FGD6: variants seen among roughly 807,000 people sequenced by gnomAD.
The protein encoded by FGD6 is FYVE, RhoGEF and PH domain containing 6, also known as FYVE, RhoGEF and PH domain-containing protein 6.
Under a neutral mutation model 149.4 loss-of-function variants are expected in FGD6, and 90 were observed. The observed-to-expected ratio is 0.60, with a 90% CI of 0.51 to 0.72. The LOEUF (loss-of-function observed/expected upper bound fraction) is 0.72, where lower values mean the gene tolerates loss of function less well. FGD6 is among the 30% of genes least tolerant of loss of function. The probability of loss-of-function intolerance (pLI) is 0.00; values close to 1 mark genes in which losing one functional copy is unlikely to be tolerated. For missense variants in FGD6, 1,437 were observed against 1,684.8 expected, an observed-to-expected ratio of 0.85 and a Z score of 2.57; for synonymous variants, 527 against 584.0, an observed-to-expected ratio of 0.90 and a Z score of 1.41.
In FGD6 at chr12:95,115,813, C is replaced by T. The variant is rs543188251; in HGVS notation, c.3083-2112G>A. Among the ~76,000 whole-genome samples, 22 of 152,256 alleles carry T rather than the reference C, an allele frequency of 1.4e-4. No homozygotes were observed. In the East Asian group the frequency reaches 1.5e-3, roughly 11 times the overall value. On this transcript the variant is annotated intron_variant, in intron 8 of 20. Coordinates refer to ENST00000343958, the MANE Select transcript of FGD6 (RefSeq NM_018351.4). ...TCAAACATAACAGATGACACAAACA[C>T]GCGCCCAATTGCTGAAACTTCGTAA...
chr12:95,107,808 G>A (rs769411735), intron 11 of FGD6, among the ~76,000 whole-genome samples, 177 bp from the exon 12 acceptor site: 5 of 152,040 alleles, frequency 3.3e-5, no homozygotes, highest in African/African-American at 7.2e-5. Flanking sequence ...TTTAGGAATC[G>A]GACAAGCAAG....
intron 3 of FGD6, among the ~76,000 whole-genome samples, chr12:95,156,691 A>C (rs1002528472): frequency 1.3e-5 from 2 of 152,162 alleles, no homozygotes; most frequent in Non-Finnish European, 2.9e-5. Context: ...AGAAATCACT[A>C]ATAAAAACTT....
At chr12:95,134,974 G>A (rs947788164) in intron 7 of FGD6, 148 bp from the exon 8 acceptor site, 16 of 622,778 alleles carry the variant, frequency 2.6e-5, no homozygotes, top group Admixed American at 6.1e-5. Context: ...AGGTACAGCT[G>A]TTAGATACAC....
At chr12:95,149,292 T>A (rs1329503954) in intron 5 of FGD6, among the ~76,000 whole-genome samples, 1 of 89,314 alleles carries the variant, frequency 1.1e-5, no homozygotes, top group Non-Finnish European at 2.0e-5. Context: ...TATATAATAT[T>A]ATATATAATA....
intron 8 of FGD6, 31 bp downstream of exon 8, chr12:95,134,708 G>T: frequency 6.3e-7 from 1 of 1,599,644 alleles, no homozygotes; most frequent in Non-Finnish European, 8.6e-7. Flanking sequence ...TAAACCAACT[G>T]GGTGGTTGGC....
chr12:95,146,170 T>A (rs1013943764), intron 5 of FGD6, among the ~76,000 whole-genome samples: 3 of 152,182 alleles, frequency 2.0e-5, no homozygotes, highest in Non-Finnish European at 4.4e-5. Flanking sequence ...CAATGCCAGA[T>A]GTAACTAATT....
rs1881265461 is a variant in FGD6, at chr12:95,180,957, T to C, written c.2442-8213A>G. ...TCCCTTTCTCCCCCAACCCCCAGAC[T>C]TGGAGGTCTGTGTAAACATTTTCAG... On this transcript the variant is annotated intron_variant, in intron 2 of 20. Coordinates refer to ENST00000343958, the MANE Select transcript of FGD6 (RefSeq NM_018351.4). Among the ~76,000 whole-genome samples, 9 of 151,078 alleles carry C rather than the reference T, an allele frequency of 6.0e-5. No homozygotes were observed. The Admixed American group carries it at 6.0e-4, about 10-fold the overall frequency.
chr12:95,194,339 G>A (rs928875692), intron 2 of FGD6, among the ~76,000 whole-genome samples: 4 of 152,204 alleles, frequency 2.6e-5, no homozygotes, highest in South Asian at 4.1e-4. Context: ...AGGTTCAAGC[G>A]ATTCTCCTGC....
intron 3 of FGD6, among the ~76,000 whole-genome samples, chr12:95,168,383 G>A (rs1311479617): frequency 6.6e-6 from 1 of 152,214 alleles, no homozygotes; most frequent in African/African-American, 2.4e-5. Context: ...GTTAATAGCA[G>A]CCAGGCGCGG....
intron 2 of FGD6, among the ~76,000 whole-genome samples, chr12:95,178,331 G>A (rs1391589395): frequency 6.6e-6 from 1 of 152,192 alleles, no homozygotes; most frequent in Non-Finnish European, 1.5e-5. Context: ...AGAGCCAGGT[G>A]ACAGGACTGA....
At chr12:95,165,019 C>G (rs1880765236) in intron 3 of FGD6, among the ~76,000 whole-genome samples, 1 of 152,078 alleles carries the variant, frequency 6.6e-6, no homozygotes, top group African/African-American at 2.4e-5. Flanking sequence ...ATTCTAACCA[C>G]AAACAAGTAG....
intron 5 of FGD6, 151 bp from the exon 6 acceptor site, chr12:95,141,690 T>TACCC (rs1427434500): frequency 1.3e-6 from 1 of 772,852 alleles, no homozygotes; most frequent in Non-Finnish European, 2.0e-6. Context: ...CCCTTCCTCC[T>TACCC]ACCCCACTCA....
At position 95,171,162 on chromosome 12, in the gene FGD6, A is replaced by G. The variant is rs577777543; in HGVS notation, c.2586+1438T>C. Among the ~76,000 whole-genome samples the G allele has an allele frequency of 8.5e-5, 13 of 152,286 alleles. No homozygotes were observed. In the South Asian group the frequency reaches 2.5e-3, roughly 29 times the overall value. ...TCCCAAAAGGTTAAATAATTGGCCC[A>G]AAGTTGACCAGATCATAGCTGGTGG... On this transcript the variant is annotated intron_variant, in intron 3 of 20. Transcript: ENST00000343958.
chr12:95,181,352 GGT>G (rs1205648577), intron 2 of FGD6, among the ~76,000 whole-genome samples: 2 of 152,138 alleles, frequency 1.3e-5, no homozygotes, highest in Admixed American at 6.5e-5. Flanking sequence ...CAGGGTTCCT[GGT>G]CCTATCTTAA....
At chr12:95,108,746 A>C (rs75124489) in intron 9 of FGD6, among the ~76,000 whole-genome samples, 185 bp from the exon 10 acceptor site, 3,228 of 152,180 alleles carry the variant, frequency 0.021, 47 homozygotes, top group Middle Eastern at 0.034. Context: ...AAACCAAACA[A>C]CACCACCACC....
chr12:95,149,234 ATTATATAATATATAGCATAT>A (rs1880190791), intron 5 of FGD6, among the ~76,000 whole-genome samples: 3 of 37,368 alleles, frequency 8.0e-5, no homozygotes, highest in Non-Finnish European at 1.3e-4. Context: ...TAGCATATAT[ATTATATAATATATAGCATAT>A]ATATTATATA....
At chr12:95,213,973 C>A (rs1262528736) in intron 1 of FGD6, among the ~76,000 whole-genome samples, 3 of 152,188 alleles carry the variant, frequency 2.0e-5, no homozygotes, top group Non-Finnish European at 4.4e-5. Context: ...CACTTTCCTT[C>A]CTTATAAATG....
Position 95,153,950 on chromosome 12 carries a change from T to TGTGTGTGTGTGA in FGD6, c.2587-958_2587-957insTCACACACACAC, listed in dbSNP as rs796248785. 9.6e-4 allele frequency among the ~76,000 whole-genome samples: 136 copies of TGTGTGTGTGTGA among 141,304 alleles called. 1 individual carries two copies. Among genetic ancestry groups the TGTGTGTGTGTGA allele is most frequent in the Middle Eastern group, 3.6e-3 (1 of 274 alleles). The allele number at this position is 141,304 out of a possible 152,430, so 92.7% of individuals were successfully genotyped here. A position where few individuals can be genotyped will look rare whatever the true frequency, so the allele number is the denominator to read the frequency against. On this transcript the variant is annotated intron_variant, in intron 3 of 20. Transcript: ENST00000343958. ...GTGTGTGTGTGTGTGTGTGTGTGAG[T>TGTGTGTGTGTGA]GAGAGAGAGAAGAGACAGAGAGAGA... is the stretch of plus-strand genomic sequence containing the variant.
intron 2 of FGD6, among the ~76,000 whole-genome samples, chr12:95,176,391 C>T (rs7956452): frequency 0.26 from 39,383 of 152,150 alleles, 5,959 homozygotes; most frequent in East Asian, 0.39. Context: ...GCTTCCTCCA[C>T]GTCTTTCTGC....
Sources: allele counts gnomAD v4.1 joint callset (sites outside exome capture counted in the v4.1 genomes callset), GRCh38; gene constraint gnomAD v4.1.1; transcripts MANE v1.5; gene names NCBI Gene and HGNC (gene_info 2026-07-23, HGNC 2026-07-21).